Variants in MBOAT1 observed in about 807,000 individuals in gnomAD.
The protein encoded by MBOAT1 is membrane bound glycerophospholipid O-acyltransferase 1.
Under a neutral mutation model 64.4 loss-of-function variants are expected in MBOAT1, and 67 were observed. The ratio of observed to expected loss-of-function variants is 1.04; its 90% confidence interval spans 0.85 to 1.27. The LOEUF is 1.27. MBOAT1 is among the 50% of genes most tolerant of loss of function. The pLI is 0.00. For missense variants in MBOAT1, 563 were observed against 604.6 expected, an observed-to-expected ratio of 0.93 and a Z score of 0.72; for synonymous variants, 229 against 218.9, an observed-to-expected ratio of 1.05 and a Z score of -0.41.
At chr6:20,198,716 T>C (rs1158452915) in intron 1 of MBOAT1, among the ~76,000 whole-genome samples, 5 of 152,220 alleles carry the variant, frequency 3.3e-5, no homozygotes, top group African/African-American at 1.2e-4. Context: ...ATTTGAAGGT[T>C]GCCAAGTATA....
intron 1 of MBOAT1, among the ~76,000 whole-genome samples, chr6:20,162,651 T>C (rs1026119396): frequency 6.6e-6 from 1 of 152,220 alleles, no homozygotes; most frequent in Non-Finnish European, 1.5e-5. Flanking sequence ...ACTCTCGATG[T>C]GCTACTGAGA....
chr6:20,180,435 C>T (rs1762476646), intron 1 of MBOAT1, among the ~76,000 whole-genome samples: 1 of 152,156 alleles, frequency 6.6e-6, no homozygotes, highest in African/African-American at 2.4e-5. Flanking sequence ...GCTATGTTCC[C>T]TTATTGGCTC....
At chr6:20,160,439 C>T (rs1281484382) in intron 1 of MBOAT1, among the ~76,000 whole-genome samples, 2 of 152,066 alleles carry the variant, frequency 1.3e-5, no homozygotes, top group African/African-American at 2.4e-5. Flanking sequence ...CCTGGAATGT[C>T]GAGTGTAACA....
At chr6:20,152,214 C>T (rs547380539) in intron 2 of MBOAT1, among the ~76,000 whole-genome samples, 2 of 151,904 alleles carry the variant, frequency 1.3e-5, no homozygotes, top group African/African-American at 2.4e-5. Flanking sequence ...GTAATCCCAG[C>T]GACTCAAGAG....
chr6:20,111,846 A>G (rs1264561717), intron 11 of MBOAT1, among the ~76,000 whole-genome samples: 1 of 135,264 alleles, frequency 7.4e-6, no homozygotes, highest in Non-Finnish European at 1.5e-5. Flanking sequence ...ACATATATAT[A>G]CATATATATA....
intron 6 of MBOAT1, among the ~76,000 whole-genome samples, chr6:20,127,505 C>A (rs1760689870): frequency 6.6e-6 from 1 of 152,150 alleles, no homozygotes; most frequent in Non-Finnish European, 1.5e-5. Flanking sequence ...ACAGCCTCTC[C>A]CCATCACTTA....
chr6:20,187,714 G>A (rs1046745768), intron 1 of MBOAT1, among the ~76,000 whole-genome samples: 2 of 152,180 alleles, frequency 1.3e-5, no homozygotes, highest in African/African-American at 4.8e-5. Flanking sequence ...AGAAGGGAAG[G>A]AGACTGGTGG....
chr6:20,187,210 G>A (rs933367949), intron 1 of MBOAT1, among the ~76,000 whole-genome samples: 1 of 152,236 alleles, frequency 6.6e-6, no homozygotes, highest in East Asian at 1.9e-4. Context: ...TCTGAAGGAT[G>A]AGTAAAGTAG....
In MBOAT1 at chr6:20,100,942, T is replaced by C. The variant is rs528673886; in HGVS notation, c.*1344A>G. Among the ~76,000 whole-genome samples the C allele has an allele frequency of 3.5e-3, 527 of 152,242 alleles. 1 individual carries two copies. The highest frequency in any genetic ancestry group is 4.2e-3 in the Non-Finnish European group (286 of 68,002). On this transcript the variant is annotated 3_prime_UTR_variant, in exon 13 of 13. Coordinates refer to ENST00000324607, the MANE Select transcript of MBOAT1 (RefSeq NM_001080480.3). The stretch of plus-strand genomic sequence containing the variant: ...GGCCATAGCACATTCATAACAAAGA[T>C]AGAAAAGAAAACTTTCAATGTCTGC...
chr6:20,203,456 T>C (rs1246780988), intron 1 of MBOAT1, among the ~76,000 whole-genome samples: 2 of 152,208 alleles, frequency 1.3e-5, no homozygotes, highest in African/African-American at 4.8e-5. Context: ...AAATTAGAAA[T>C]TGGTCCCATT....
At chr6:20,185,240 A>G (rs1762618308) in intron 1 of MBOAT1, among the ~76,000 whole-genome samples, 1 of 152,194 alleles carries the variant, frequency 6.6e-6, no homozygotes, top group Non-Finnish European at 1.5e-5. Flanking sequence ...ACAGTGACAG[A>G]GCAAGACCCT....
intron 1 of MBOAT1, among the ~76,000 whole-genome samples, chr6:20,189,850 T>C (rs568452081): frequency 6.6e-6 from 1 of 152,290 alleles, no homozygotes; most frequent in East Asian, 1.9e-4. Context: ...CATGTTGTAC[T>C]AAAGGGCAGG....
intron 1 of MBOAT1, among the ~76,000 whole-genome samples, chr6:20,186,940 G>A (rs763068363): frequency 1.3e-5 from 2 of 152,120 alleles, no homozygotes; most frequent in Non-Finnish European, 2.9e-5. Context: ...CTATAAACAC[G>A]GTTAATGAAA....
intron 1 of MBOAT1, among the ~76,000 whole-genome samples, chr6:20,159,506 G>A (rs549901614): frequency 1.2e-4 from 19 of 152,318 alleles, no homozygotes; most frequent in African/African-American, 4.3e-4. Context: ...AAGACATTGT[G>A]TTAAATGACA....
chr6:20,120,180 C>T (rs777187700), intron 8 of MBOAT1, among the ~76,000 whole-genome samples: 3 of 152,128 alleles, frequency 2.0e-5, no homozygotes, highest in South Asian at 2.1e-4. Context: ...ACTACATACA[C>T]GGGCCTAGGA....
chr6:20,156,408 T>C (rs925000253), intron 1 of MBOAT1, among the ~76,000 whole-genome samples: 1 of 152,224 alleles, frequency 6.6e-6, no homozygotes, highest in Non-Finnish European at 1.5e-5. Flanking sequence ...AGACTCAACC[T>C]GCTCCACCAC....
chr6:20,127,832 C>T (rs954558664), intron 6 of MBOAT1, among the ~76,000 whole-genome samples: 10 of 152,110 alleles, frequency 6.6e-5, no homozygotes, highest in African/African-American at 2.4e-4. Flanking sequence ...CCCCCACCAC[C>T]ACCCGCAACC....
intron 8 of MBOAT1, among the ~76,000 whole-genome samples, chr6:20,120,859 A>C (rs192253201): frequency 1.3e-5 from 2 of 152,306 alleles, no homozygotes; most frequent in African/African-American, 2.4e-5. Flanking sequence ...TCCCACAGTC[A>C]TTTATCCAAG....
chr6:20,181,378 C>T (rs1393540330), intron 1 of MBOAT1, among the ~76,000 whole-genome samples: 1 of 152,208 alleles, frequency 6.6e-6, no homozygotes, highest in Non-Finnish European at 1.5e-5. Flanking sequence ...TCTTTCTCCT[C>T]CTAGTACCAT....
Sources: gnomAD v4.1 joint callset for allele counts (sites outside exome capture counted in the v4.1 genomes callset) on GRCh38, gnomAD v4.1.1 for gene constraint, MANE v1.5 for transcripts, NCBI Gene and HGNC (gene_info 2026-07-23, HGNC 2026-07-21) for gene names.